Variants in RIMBP2 observed in about 807,000 individuals in gnomAD.
RIMBP2 encodes RIMS binding protein 2, also known as RIMS-binding protein 2.
RIMBP2 carries 48 observed loss-of-function variants against 118.6 expected under a neutral mutation model. That is an observed-to-expected ratio of 0.40 (90% CI 0.32 to 0.51). The LOEUF (loss-of-function observed/expected upper bound fraction) is 0.51, where lower values mean the gene tolerates loss of function less well. Ranked by LOEUF, RIMBP2 falls within the 20% of genes least tolerant of loss-of-function variation. The pLI is 0.41. For synonymous variants in RIMBP2, 762 were observed against 742.9 expected (o/e 1.03, Z -0.42); for missense variants, 1,551 against 1,768.3 (o/e 0.88, Z 2.20).
chr12:130,636,251 A>T (rs182034822), intron 1 of RIMBP2, among the ~76,000 whole-genome samples: 1 of 152,022 alleles, frequency 6.6e-6, no homozygotes, highest in Non-Finnish European at 1.5e-5. Flanking sequence ...TCCCTCTAAG[A>T]CCTTTCATCT....
At chr12:130,458,555 C>T (rs1310628887) in intron 6 of RIMBP2, among the ~76,000 whole-genome samples, 1 of 152,170 alleles carries the variant, frequency 6.6e-6, no homozygotes, top group Non-Finnish European at 1.5e-5. Context: ...CCGCTGCAGG[C>T]AAGGCCGGAC....
chr12:130,603,486 C>T (rs2059987054), intron 2 of RIMBP2, among the ~76,000 whole-genome samples: 1 of 152,130 alleles, frequency 6.6e-6, no homozygotes, highest in African/African-American at 2.4e-5. Context: ...AAACACAATG[C>T]AGATCAAAAA....
chr12:130,571,960 T>C (rs561313542), intron 2 of RIMBP2, among the ~76,000 whole-genome samples: 17 of 152,206 alleles, frequency 1.1e-4, no homozygotes, highest in Admixed American at 2.6e-4. Context: ...TGCACTCAGA[T>C]GGTCGGCCTG....
chr12:130,592,847 G>A (rs1019561482), intron 2 of RIMBP2, among the ~76,000 whole-genome samples: 12 of 152,152 alleles, frequency 7.9e-5, no homozygotes, highest in Non-Finnish European at 1.5e-4. Context: ...CGGGAGAGAT[G>A]GACAGCGAGC....
At chr12:130,398,569 A>ATGAT (rs2074242618) in intron 22 of RIMBP2, 1 of 152,644 alleles carries the variant, frequency 6.6e-6, no homozygotes, top group Admixed American at 6.5e-5. Context: ...CTGTCACAGG[A>ATGAT]TGATTGTGCT....
chr12:130,469,407 G>A lies in RIMBP2; in HGVS notation c.153+1286C>T, dbSNP rs570452102. On this transcript the variant is annotated intron_variant, in intron 6 of 22. Transcript: ENST00000690449. This position sits in a 1 kb window ranked among gnomAD's most constrained non-coding sequence, Gnocchi z 4.8. ...CAGGGTCATGTCAATGGGCTCCGGG[G>A]CAACTGGGGAGAGGCAACTACCTTT... Among the ~76,000 whole-genome samples, 8 of 152,276 alleles carry A rather than the reference G, an allele frequency of 5.3e-5. No individual in the cohort carries two copies. In the South Asian group the frequency reaches 1.7e-3, roughly 32 times the overall value.
chr12:130,438,336 C>CCGGGG, intron 12 of RIMBP2, 29 bp downstream of exon 12: 1 of 844,138 alleles, frequency 1.2e-6, no homozygotes, highest in Non-Finnish European at 2.0e-6. Flanking sequence ...GCCTAACAAA[C>CCGGGG]CCTCCCCACC....
At chr12:130,483,224 A>T (rs2082176249) in intron 4 of RIMBP2, among the ~76,000 whole-genome samples, 1 of 142,492 alleles carries the variant, frequency 7.0e-6, no homozygotes, top group African/African-American at 2.6e-5. Context: ...GGCAGACCTC[A>T]TCCAAATACA....
intron 1 of RIMBP2, among the ~76,000 whole-genome samples, chr12:130,664,097 C>G (rs2063767969): frequency 6.6e-6 from 1 of 151,186 alleles, no homozygotes; most frequent in Non-Finnish European, 1.5e-5. Flanking sequence ...CTATAGTAAC[C>G]CCTAGGCTCA....
intron 4 of RIMBP2, among the ~76,000 whole-genome samples, chr12:130,483,156 G>C (rs10848111): frequency 1.1e-4 from 9 of 82,498 alleles, no homozygotes; most frequent in East Asian, 3.2e-4. Context: ...GGAGGGGGCA[G>C]ACCTCATCCA....
In RIMBP2 at chr12:130,705,356, G is replaced by A. The variant is rs115436721; in HGVS notation, c.-352+10866C>T. 7.9e-3 allele frequency among the ~76,000 whole-genome samples: 1,197 copies of A among 152,214 alleles called. 17 individuals carry two copies. Among genetic ancestry groups the A allele is most frequent in the African/African-American group, 0.027 (1,136 of 41,512 alleles). On this transcript the variant is annotated intron_variant, in intron 1 of 22. Coordinates refer to ENST00000690449, the MANE Select transcript of RIMBP2 (RefSeq NM_001393629.1). Reference sequence around the variant, plus strand: ...GGCCAGTCACCACGCAACAAAGACCGGGGCCCTGGCTGCCGCACCACCGCC... The same window carrying A: ...GGCCAGTCACCACGCAACAAAGACCAGGGCCCTGGCTGCCGCACCACCGCC...
At chr12:130,500,793 C>T (rs927442398) in intron 4 of RIMBP2, among the ~76,000 whole-genome samples, 1 of 152,134 alleles carries the variant, frequency 6.6e-6, no homozygotes, top group Non-Finnish European at 1.5e-5. Context: ...ACACAAGACG[C>T]GTCAGGTGCT....
Position 130,439,329 on chromosome 12 carries a change from GTGTA to G in RIMBP2, c.1505-817_1505-814del, listed in dbSNP as rs1382612622. Among the ~76,000 whole-genome samples the G allele has an allele frequency of 4.6e-5, 7 of 151,404 alleles. No homozygotes were observed. The East Asian group carries it at 5.9e-4, about 13-fold the overall frequency. Reference sequence around the variant, plus strand: ...TGTGGGTGTGTATAGATGTGTGTAAGTGTATGTATGTGTGTAGATGTGTGGGCAT... The same window carrying G: ...TGTGGGTGTGTATAGATGTGTGTAAGTGTATGTGTGTAGATGTGTGGGCAT... On this transcript the variant is annotated intron_variant, in intron 11 of 22. Coordinates refer to ENST00000690449, the MANE Select transcript of RIMBP2 (RefSeq NM_001393629.1).
chr12:130,460,757 C>A (rs1016942076), intron 6 of RIMBP2, among the ~76,000 whole-genome samples: 3 of 152,140 alleles, frequency 2.0e-5, no homozygotes, highest in Non-Finnish European at 4.4e-5. Context: ...TTGCTTCCCC[C>A]GCAGATTCCC....
chr12:130,537,134 G>C (rs933327331), intron 2 of RIMBP2, among the ~76,000 whole-genome samples: 3 of 152,166 alleles, frequency 2.0e-5, no homozygotes, highest in Non-Finnish European at 4.4e-5. Flanking sequence ...TGGGGTTCCA[G>C]GGCAGAACAA....
rs145263659 is a variant in RIMBP2, at chr12:130,615,615, A to T, written c.-217+12707T>A. Among the ~76,000 whole-genome samples, 170 of 152,046 alleles carry T rather than the reference A, an allele frequency of 1.1e-3. 2 individuals are homozygous for T. The highest frequency in any genetic ancestry group is 1.1e-3 in the African/African-American group (46 of 41,502). ...GTGTGAGCCACTGGGCCTAGCCTAG[A>T]TTCTCATTTTAATAAACCAACAAAC... On this transcript the variant is annotated intron_variant, in intron 2 of 22. Coordinates refer to ENST00000690449, the MANE Select transcript of RIMBP2 (RefSeq NM_001393629.1).
At chr12:130,579,239 T>C (rs1248512912) in intron 2 of RIMBP2, among the ~76,000 whole-genome samples, 1 of 152,182 alleles carries the variant, frequency 6.6e-6, no homozygotes, top group Non-Finnish European at 1.5e-5. Context: ...ATAAGAGGGT[T>C]CACAGTGGCT....
At chr12:130,706,915 G>A (rs777395341) in intron 1 of RIMBP2, among the ~76,000 whole-genome samples, 28 of 152,152 alleles carry the variant, frequency 1.8e-4, no homozygotes, top group Non-Finnish European at 3.1e-4. Context: ...CACAAGCTCC[G>A]CCAGGTCTAG....
intron 1 of RIMBP2, chr12:130,669,306 G>C (rs1417760934): frequency 6.6e-6 from 1 of 152,220 alleles, no homozygotes; most frequent in Non-Finnish European, 1.5e-5. Context: ...AACTGGAATA[G>C]TAGCTTGCAC....
Sources: gnomAD v4.1 joint callset for allele counts (sites outside exome capture counted in the v4.1 genomes callset) on GRCh38, gnomAD v4.1.1 for gene constraint, Gnocchi (gnomAD v3.1) non-coding constraint, MANE v1.5 for transcripts, NCBI Gene and HGNC (gene_info 2026-07-23, HGNC 2026-07-21) for gene names.